ARHGAP39: variants seen among roughly 807,000 people sequenced by gnomAD.
The protein encoded by ARHGAP39 is Rho GTPase activating protein 39.
In ARHGAP39, 44 loss-of-function variants were observed where a neutral mutation model predicts 106.9. The ratio of observed to expected loss-of-function variants is 0.41; its 90% confidence interval spans 0.32 to 0.53. The LOEUF (loss-of-function observed/expected upper bound fraction) is 0.53. ARHGAP39 is among the 20% of genes least tolerant of loss of function. ARHGAP39 has a pLI of 0.21. For missense variants in ARHGAP39, 1,496 were observed against 1,577.3 expected (o/e 0.95, Z 0.87); for synonymous variants, 768 against 693.2 (o/e 1.11, Z -1.69).
intron 2 of ARHGAP39, among the ~76,000 whole-genome samples, chr8:144,594,810 G>A (rs1288879678): frequency 6.6e-6 from 1 of 152,110 alleles, no homozygotes; most frequent in African/African-American, 2.4e-5. Context: ...ACTTGGATCC[G>A]GGAAGCAGAG....
At chr8:144,603,708 G>C (rs1366064124) in intron 2 of ARHGAP39, among the ~76,000 whole-genome samples, 1 of 148,300 alleles carries the variant, frequency 6.7e-6, no homozygotes, top group Admixed American at 6.7e-5. Flanking sequence ...AAAAAAAAGA[G>C]GCCAAAAAGC....
the ARHGAP39 span, among the ~76,000 whole-genome samples, chr8:144,691,484 G>T: frequency 6.6e-6 from 1 of 152,096 alleles, no homozygotes; most frequent in Non-Finnish European, 1.5e-5. Flanking sequence ...TTTTAATGAT[G>T]GCCTTGCAAG....
chr8:144,657,994 A>G (rs1053621353), intron 1 of ARHGAP39, among the ~76,000 whole-genome samples: 1 of 152,238 alleles, frequency 6.6e-6, no homozygotes, highest in Non-Finnish European at 1.5e-5. Flanking sequence ...TTAATATGGC[A>G]TAACAGCTAT....
intron 1 of ARHGAP39, among the ~76,000 whole-genome samples, chr8:144,640,064 G>A (rs982551698): frequency 7.9e-5 from 12 of 152,158 alleles, no homozygotes; most frequent in African/African-American, 2.2e-4. Context: ...TATTACAGGC[G>A]ACATGCAGAA....
At chr8:144,587,568 G>C (rs190850146) in intron 2 of ARHGAP39, among the ~76,000 whole-genome samples, 1 of 152,198 alleles carries the variant, frequency 6.6e-6, no homozygotes, top group Non-Finnish European at 1.5e-5. Flanking sequence ...CCGGCAGCAT[G>C]GGACGGGGCC....
intron 3 of ARHGAP39, among the ~76,000 whole-genome samples, chr8:144,569,504 G>A (rs999122497): frequency 6.6e-6 from 1 of 152,194 alleles, no homozygotes; most frequent in African/African-American, 2.4e-5. Flanking sequence ...ACAATTACAT[G>A]GAGTGAAAGA....
intron 1 of ARHGAP39, among the ~76,000 whole-genome samples, chr8:144,651,989 T>C (rs1821584624): frequency 6.6e-6 from 1 of 151,984 alleles, no homozygotes; most frequent in South Asian, 2.1e-4. Context: ...ACCTAGGCAA[T>C]ACCATCCTAG....
chr8:144,540,798 G>GA (rs111358460), intron 6 of ARHGAP39, among the ~76,000 whole-genome samples: 3,931 of 148,212 alleles, frequency 0.027, 163 homozygotes, highest in African/African-American at 0.092. Context: ...AACCTGTCTG[G>GA]AAAAAAAAAA....
At chr8:144,557,732 G>A (rs1262840806) in intron 3 of ARHGAP39, among the ~76,000 whole-genome samples, 2 of 151,962 alleles carry the variant, frequency 1.3e-5, no homozygotes, top group East Asian at 3.9e-4. Flanking sequence ...AGCGGCAAAA[G>A]GCTGAACCTT....
chr8:144,691,569 C>T, the ARHGAP39 span, among the ~76,000 whole-genome samples: 2 of 152,106 alleles, frequency 1.3e-5, no homozygotes, highest in Non-Finnish European at 2.9e-5. Flanking sequence ...CAGGTCCCTC[C>T]CCCAGTTCCT....
chr8:144,665,744 G>A (rs1041610673), intron 1 of ARHGAP39, among the ~76,000 whole-genome samples: 3 of 152,246 alleles, frequency 2.0e-5, no homozygotes, highest in African/African-American at 7.2e-5. Flanking sequence ...GATTTCAGAA[G>A]ATGTATGGAA....
In ARHGAP39 at chr8:144,602,880, GGTGT is replaced by G. The variant is rs199882535; in HGVS notation, c.80+2651_80+2654del. 3.5e-3 allele frequency among the ~76,000 whole-genome samples: 475 copies of G among 135,844 alleles called. 10 individuals are homozygous for G. The highest frequency in any genetic ancestry group is 0.035 in the East Asian group (147 of 4,218). The allele number at this position is 135,844 out of a possible 152,430, so 89.1% of individuals were successfully genotyped here. A position where few individuals can be genotyped will look rare whatever the true frequency, so the allele number is the denominator to read the frequency against. ...CTCGTGTACCTGTGTGCATGTGTGT[GGTGT>G]GTGTGAGAGCTCATGTACCTGTGTG... On this transcript the variant is annotated intron_variant, in intron 2 of 11. Coordinates refer to ENST00000377307, the MANE Select transcript of ARHGAP39 (RefSeq NM_025251.3).
rs909355595 is a variant in ARHGAP39 at position 144,629,385 on chromosome 8, C to T, written c.-81-23690G>A. On this transcript the variant is annotated intron_variant, in intron 1 of 11. Transcript: ENST00000377307. ...CCAAGAGCAGACCCGCAGGCTCCAG[C>T]GGGGCTGAGGCGGAGCACGGCTGTG... Among the ~76,000 whole-genome samples the T allele has an allele frequency of 6.6e-5, 10 of 152,224 alleles. 1 individual carries two copies. Among genetic ancestry groups the T allele is most frequent in the Middle Eastern group, 6.8e-3 (2 of 294 alleles).
At chr8:144,537,924 A>C in intron 6 of ARHGAP39, 111 bp from the exon 7 acceptor site, 2 of 917,796 alleles carry the variant, frequency 2.2e-6, no homozygotes, top group South Asian at 2.9e-5. Flanking sequence ...TTGGGGGCTC[A>C]CCCTGTGCAG....
chr8:144,669,390 C>T (rs1822041938), intron 1 of ARHGAP39, among the ~76,000 whole-genome samples: 1 of 142,270 alleles, frequency 7.0e-6, no homozygotes, highest in Non-Finnish European at 1.5e-5. Context: ...GCCTGTAGTC[C>T]CAGCTATTCA....
At position 144,547,199 on chromosome 8, in the gene ARHGAP39, C is replaced by T; in HGVS notation, c.1887G>A (p.Gln629=). 5 of 1,612,450 alleles carry T rather than the reference C, an allele frequency of 3.1e-6. No individual in the cohort carries two copies. Among genetic ancestry groups the T allele is most frequent in the Non-Finnish European group, 4.2e-6 (5 of 1,179,722 alleles). Residue 629 remains glutamine, a synonymous_variant, in exon 5 of 12, where the codon CAG becomes CAA. Coordinates refer to ENST00000377307, the MANE Select transcript of ARHGAP39 (RefSeq NM_025251.3). This position sits in a 1 kb window ranked among gnomAD's most constrained non-coding sequence, Gnocchi z 5.2. ...RGTFEKLGFP[Q]ILLEKSVSVQ... Reference sequence around the variant, plus strand: ...CGGAGACGCTCTTCTCCAGCAGGATCTGGGGGAAGCCTAGCTTCTCGAAGG... The same window carrying T: ...CGGAGACGCTCTTCTCCAGCAGGATTTGGGGGAAGCCTAGCTTCTCGAAGG...
At chr8:144,577,987 CT>C (rs975847451) in intron 3 of ARHGAP39, among the ~76,000 whole-genome samples, 6 of 151,340 alleles carry the variant, frequency 4.0e-5, no homozygotes, top group East Asian at 1.9e-4. Flanking sequence ...ATTCCAAAAG[CT>C]TTTTTTTTGT....
At position 144,529,816 on chromosome 8, in the gene ARHGAP39, T is replaced by C. The variant is rs1816589657; in HGVS notation, c.*606A>G. 6.7e-6 allele frequency: 1 copy of C among 149,086 alleles called. No homozygotes were observed. Among genetic ancestry groups the C allele is most frequent in the Non-Finnish European group, 1.5e-5 (1 of 67,320 alleles). The allele number at this position is 149,086 out of a possible 1,614,324, so 9.2% of individuals were successfully genotyped here. ...CCCCAGAATGCCTGCCCAGCCCTGC[T>C]CCCTACCCCAGAGGACTTTGGTTTG... On this transcript the variant is annotated 3_prime_UTR_variant, in exon 12 of 12. Coordinates refer to ENST00000377307, the MANE Select transcript of ARHGAP39 (RefSeq NM_025251.3).
chr8:144,611,323 T>G (rs999217008), intron 1 of ARHGAP39, among the ~76,000 whole-genome samples: 1 of 152,230 alleles, frequency 6.6e-6, no homozygotes, highest in African/African-American at 2.4e-5. Flanking sequence ...ATGTCCCGTG[T>G]GCACTGGAAA....
Sources: allele counts gnomAD v4.1 joint callset (sites outside exome capture counted in the v4.1 genomes callset), GRCh38; gene constraint gnomAD v4.1.1; non-coding constraint Gnocchi (gnomAD v3.1); transcripts MANE v1.5; gene names NCBI Gene and HGNC (gene_info 2026-07-23, HGNC 2026-07-21).